Variants in NALF1 observed in about 807,000 individuals in gnomAD.
NALF1 encodes the protein NALCN channel auxiliary factor 1, also known as family with sequence similarity 155 member A.
In NALF1, 3 loss-of-function variants were observed where a neutral mutation model predicts 48.4. That is an observed-to-expected ratio of 0.06 (90% CI 0.03 to 0.16). The LOEUF is 0.16. Among genes scored for constraint, NALF1 ranks in the 10% least tolerant of loss-of-function variants. The pLI is 1.00. For missense variants in NALF1, 526 were observed against 571.5 expected (o/e 0.92, Z 0.81); for synonymous variants, 262 against 245.7 (o/e 1.07, Z -0.62).
At chr13:107,236,666 T>C (rs914062689) in intron 1 of NALF1, among the ~76,000 whole-genome samples, 2 of 119,892 alleles carry the variant, frequency 1.7e-5, no homozygotes, top group African/African-American at 3.1e-5. Flanking sequence ...TCTATCCATC[T>C]GTCTGTCTAT....
At chr13:107,763,101 T>C (rs878936497) in intron 1 of NALF1, among the ~76,000 whole-genome samples, 3 of 151,994 alleles carry the variant, frequency 2.0e-5, no homozygotes, top group Admixed American at 2.0e-4. Context: ...AAACTCATCA[T>C]TTTTCTGGCA....
chr13:107,206,811 T>C (rs1268265634), intron 2 of NALF1, among the ~76,000 whole-genome samples: 1 of 152,198 alleles, frequency 6.6e-6, no homozygotes, highest in Non-Finnish European at 1.5e-5. Flanking sequence ...CATCAGGCCA[T>C]GTGCAGTTAC....
rs190613794 is a variant in NALF1 at position 107,228,725 on chromosome 13, T to C, written c.916-17970A>G. 7.0e-3 allele frequency among the ~76,000 whole-genome samples: 1,065 copies of C among 152,292 alleles called. 8 individuals carry two copies. The highest frequency in any genetic ancestry group is 0.025 in the African/African-American group (1,026 of 41,566). On this transcript the variant is annotated intron_variant, in intron 1 of 2. Coordinates refer to ENST00000375915, the MANE Select transcript of NALF1 (RefSeq NM_001080396.3). ...ACCTCCGCCTCCCGGGCTCAAGCGATTCTCCTGCCTCAGCCTCATGAGTAG... is the reference window on the plus strand; with the variant it reads ...ACCTCCGCCTCCCGGGCTCAAGCGACTCTCCTGCCTCAGCCTCATGAGTAG...
chr13:107,291,540 AC>A (rs1434136046), intron 1 of NALF1, among the ~76,000 whole-genome samples: 1 of 152,096 alleles, frequency 6.6e-6, no homozygotes, highest in African/African-American at 2.4e-5. Context: ...CAATCCCTGA[AC>A]TATATCTCAT....
intron 1 of NALF1, among the ~76,000 whole-genome samples, chr13:107,564,751 A>T (rs914024977): frequency 5.9e-5 from 9 of 152,124 alleles, no homozygotes; most frequent in African/African-American, 1.9e-4. Flanking sequence ...TCAAGCTGGA[A>T]GAGTGTTGGT....
rs1311743382 is a variant in NALF1, at chr13:107,865,967, C to T, written c.630G>A (p.Lys210=). The T allele has an allele frequency of 6.2e-6, 10 of 1,613,122 alleles. No individual in the cohort carries two copies. The highest frequency in any genetic ancestry group is 8.5e-6 in the Non-Finnish European group (10 of 1,179,862). The change falls in exon 1 of 3, where the codon AAG becomes AAA. Residue 210 remains lysine (K), a synonymous_variant. Coordinates refer to ENST00000375915, the MANE Select transcript of NALF1 (RefSeq NM_001080396.3). ...ACAAGTTCCAGAGCGGAGTGGGATGCTTGCTCCTCACCTCCTGCCCGTCCC... is the reference window on the plus strand; with the variant it reads ...ACAAGTTCCAGAGCGGAGTGGGATGTTTGCTCCTCACCTCCTGCCCGTCCC... ...AGGDGQEVRS[K]HPTPLWNLSD...
chr13:107,680,842 G>A (rs1023417073), intron 1 of NALF1, among the ~76,000 whole-genome samples: 10 of 150,716 alleles, frequency 6.6e-5, no homozygotes, highest in Non-Finnish European at 1.2e-4. Context: ...GTGCATGAGA[G>A]TGTAAGAGTA....
At chr13:107,634,281 A>C (rs1449799853) in intron 1 of NALF1, among the ~76,000 whole-genome samples, 1 of 151,996 alleles carries the variant, frequency 6.6e-6, no homozygotes, top group Admixed American at 6.6e-5. Flanking sequence ...CATCTAGAAA[A>C]GGTTCAGGGG....
At chr13:107,407,223 C>T (rs1883914418) in intron 1 of NALF1, among the ~76,000 whole-genome samples, 2 of 151,896 alleles carry the variant, frequency 1.3e-5, no homozygotes, top group South Asian at 4.1e-4. Context: ...TTGTGTCATA[C>T]CCCGCAAGCA....
chr13:107,406,060 A>G (rs1389236682), intron 1 of NALF1, among the ~76,000 whole-genome samples: 1 of 152,008 alleles, frequency 6.6e-6, no homozygotes, highest in African/African-American at 2.4e-5. Context: ...ACCTAGAACC[A>G]CTTCTTGTCT....
chr13:107,349,324 T>C (rs1370619756), intron 1 of NALF1, among the ~76,000 whole-genome samples: 2 of 152,174 alleles, frequency 1.3e-5, no homozygotes, highest in African/African-American at 2.4e-5. Context: ...GTCTTATCTC[T>C]GTGGCTCTGA....
At chr13:107,326,788 T>C (rs1289246471) in intron 1 of NALF1, among the ~76,000 whole-genome samples, 1 of 152,164 alleles carries the variant, frequency 6.6e-6, no homozygotes, top group East Asian at 1.9e-4. Flanking sequence ...GTGTCTCCAC[T>C]GGGCCTTGAG....
chr13:107,847,609 C>T (rs753655999), intron 1 of NALF1, among the ~76,000 whole-genome samples: 3 of 152,226 alleles, frequency 2.0e-5, no homozygotes. Flanking sequence ...GAGAGGGTCA[C>T]AGGCAAAGAA....
At chr13:107,649,717 A>G (rs1880399327) in intron 1 of NALF1, among the ~76,000 whole-genome samples, 1 of 152,186 alleles carries the variant, frequency 6.6e-6, no homozygotes, top group Non-Finnish European at 1.5e-5. Flanking sequence ...GGCCACCTTG[A>G]ATGATAATTA....
intron 1 of NALF1, among the ~76,000 whole-genome samples, chr13:107,779,543 C>G (rs1469286791): frequency 6.6e-6 from 1 of 152,172 alleles, no homozygotes; most frequent in African/African-American, 2.4e-5. Flanking sequence ...CCTCCTATTC[C>G]TCCACTTGAA....
chr13:107,607,974 A>C (rs1222499009), intron 1 of NALF1, among the ~76,000 whole-genome samples: 2 of 152,204 alleles, frequency 1.3e-5, no homozygotes, highest in Non-Finnish European at 2.9e-5. Flanking sequence ...GAAATGCTGG[A>C]CTACAAGCAC....
At chr13:107,857,206 G>A (rs541475334) in intron 1 of NALF1, among the ~76,000 whole-genome samples, 1 of 152,198 alleles carries the variant, frequency 6.6e-6, no homozygotes, top group Admixed American at 6.5e-5. Context: ...GCTCTAGCTC[G>A]ACATCAAGGA....
chr13:107,498,087 A>G (rs1875397227), intron 1 of NALF1, among the ~76,000 whole-genome samples: 1 of 152,196 alleles, frequency 6.6e-6, no homozygotes, highest in African/African-American at 2.4e-5. Flanking sequence ...TAGATGAAAT[A>G]TTGATTATCT....
rs579282 is a variant in NALF1 at position 107,497,381 on chromosome 13, A to C, written c.916-286626T>G. Reference sequence around the variant, plus strand: ...TAATTTCTAATAATGACCTAAACTTATATTTTTATTAAAGCCATAACACCT... The same window carrying C: ...TAATTTCTAATAATGACCTAAACTTCTATTTTTATTAAAGCCATAACACCT... On this transcript the variant is annotated intron_variant, in intron 1 of 2. Coordinates refer to ENST00000375915, the MANE Select transcript of NALF1 (RefSeq NM_001080396.3). Among the ~76,000 whole-genome samples, 1,451 of 152,294 alleles carry C rather than the reference A, an allele frequency of 9.5e-3. 29 individuals carry two copies. The highest frequency in any genetic ancestry group is 0.033 in the African/African-American group (1,377 of 41,574).
Sources: allele counts gnomAD v4.1 joint callset (sites outside exome capture counted in the v4.1 genomes callset), GRCh38; gene constraint gnomAD v4.1.1; transcripts MANE v1.5; gene names NCBI Gene and HGNC (gene_info 2026-07-23, HGNC 2026-07-21).